Variants in IRAK1BP1 observed in about 807,000 individuals in gnomAD.
IRAK1BP1 encodes the protein interleukin-1 receptor-associated kinase 1-binding protein 1.
IRAK1BP1 carries 24 observed loss-of-function variants against 28.0 expected under a neutral mutation model. The observed-to-expected ratio is 0.86, with a 90% CI of 0.62 to 1.20. IRAK1BP1 has a LOEUF of 1.20. IRAK1BP1 is among the 50% of genes most tolerant of loss of function. The pLI, the probability that IRAK1BP1 is intolerant of heterozygous loss-of-function variation, is 0.00. For synonymous variants in IRAK1BP1, 131 were observed against 116.3 expected, an observed-to-expected ratio of 1.13 and a Z score of -0.81; for missense variants, 336 against 316.7, an observed-to-expected ratio of 1.06 and a Z score of -0.46.
chr6:78,883,135 G>A (rs1422846017), intron 1 of IRAK1BP1, among the ~76,000 whole-genome samples: 1 of 152,020 alleles, frequency 6.6e-6, no homozygotes, highest in Non-Finnish European at 1.5e-5. Context: ...GTATGTGCCT[G>A]TTATCCTCCT....
At chr6:78,916,873 A>C (rs1772573982) in intron 4 of IRAK1BP1, among the ~76,000 whole-genome samples, 1 of 151,918 alleles carries the variant, frequency 6.6e-6, no homozygotes, top group Admixed American at 6.6e-5. Context: ...GAACCCAGGA[A>C]GTGGAGGTTG....
chr6:78,925,390 C>T (rs937119559), intron 4 of IRAK1BP1, among the ~76,000 whole-genome samples: 3 of 152,098 alleles, frequency 2.0e-5, no homozygotes, highest in African/African-American at 7.2e-5. Flanking sequence ...TGAACGGACA[C>T]TTCTCAAATA....
At chr6:78,921,121 C>T (rs117304710) in intron 4 of IRAK1BP1, among the ~76,000 whole-genome samples, 8 of 152,142 alleles carry the variant, frequency 5.3e-5, no homozygotes, top group Admixed American at 2.6e-4. Flanking sequence ...CCGAGCAGGG[C>T]GAGGCATTGC....
chr6:78,900,022 C>T lies in IRAK1BP1; in HGVS notation c.*1688C>T, dbSNP rs1412858380. 6.6e-6 allele frequency: 1 copy of T among 152,028 alleles called. No individual in the cohort carries two copies. The highest frequency in any genetic ancestry group is 1.5e-5 in the Non-Finnish European group (1 of 67,990). 9.4% of individuals were successfully genotyped at this position (152,028 alleles called of 1,614,324 possible). A position where few individuals can be genotyped will look rare whatever the true frequency, so the allele number is the denominator to read the frequency against. On this transcript the variant is annotated 3_prime_UTR_variant, in exon 4 of 4. Coordinates refer to ENST00000369940, the MANE Select transcript of IRAK1BP1 (RefSeq NM_001010844.4). ...AAGAGATTCACATACCCAGGTTGTT[C>T]TAGCATGCCTAAAAAATCTTGTAAC...
intron 1 of IRAK1BP1, among the ~76,000 whole-genome samples, chr6:78,880,331 T>G (rs942856390): frequency 2.0e-5 from 3 of 152,252 alleles, no homozygotes; most frequent in Non-Finnish European, 4.4e-5. Context: ...GCATTTTCTT[T>G]GAGCATCATG....
At chr6:78,903,132 G>C (rs536451328), downstream of IRAK1BP1, 1 of 1,234,818 alleles carries the variant, frequency 8.1e-7, no homozygotes, top group East Asian at 2.5e-5. Context: ...CATTATAAGA[G>C]TGAGAAAAAG....
intron 4 of IRAK1BP1, chr6:78,938,080 A>C (rs969591202): frequency 6.6e-6 from 1 of 151,762 alleles, no homozygotes; most frequent in Non-Finnish European, 1.5e-5. Flanking sequence ...GAAAACAAAA[A>C]TATGGTGATG....
At chr6:78,890,913 A>G (rs1000289183) in intron 2 of IRAK1BP1, among the ~76,000 whole-genome samples, 1 of 152,194 alleles carries the variant, frequency 6.6e-6, no homozygotes, top group Non-Finnish European at 1.5e-5. Context: ...AATGTGAAAC[A>G]TCACTCCTGC....
chr6:78,922,355 G>C (rs532010833), intron 4 of IRAK1BP1, among the ~76,000 whole-genome samples: 5 of 152,274 alleles, frequency 3.3e-5, no homozygotes, highest in South Asian at 2.1e-4. Flanking sequence ...GAAATGAAGA[G>C]AGAAGAGAAG....
rs187369316 is a variant in IRAK1BP1 at position 78,891,310 on chromosome 6, T to A, written c.381+5867T>A. ...CAAACACTGACTGTTGATTTAATTTTAAAAAAAGGTTCTAAGTGATGACTT... is the reference window on the plus strand; with the variant it reads ...CAAACACTGACTGTTGATTTAATTTAAAAAAAAGGTTCTAAGTGATGACTT... On this transcript the variant is annotated intron_variant, in intron 2 of 3. Coordinates refer to ENST00000369940, the MANE Select transcript of IRAK1BP1 (RefSeq NM_001010844.4). 6.4e-4 allele frequency among the ~76,000 whole-genome samples: 98 copies of A among 152,224 alleles called. 1 individual carries two copies. In the South Asian group the frequency reaches 8.1e-3, roughly 13 times the overall value.
the IRAK1BP1 span, among the ~76,000 whole-genome samples, chr6:78,974,394 T>C: frequency 6.6e-6 from 1 of 151,738 alleles, no homozygotes; most frequent in Admixed American, 6.6e-5. Context: ...GAGGGAAATT[T>C]ATAGCACTAA....
At chr6:78,953,501 T>C in the IRAK1BP1 span, among the ~76,000 whole-genome samples, 1 of 152,204 alleles carries the variant, frequency 6.6e-6, no homozygotes, top group Admixed American at 6.5e-5. Flanking sequence ...AATCCATAAG[T>C]TGTGAAAACA....
intron 4 of IRAK1BP1, among the ~76,000 whole-genome samples, chr6:78,916,313 A>T (rs1772557627): frequency 6.6e-6 from 1 of 151,934 alleles, no homozygotes; most frequent in Admixed American, 6.6e-5. Flanking sequence ...TCAGAAAATG[A>T]TTATGTGTAG....
intron 4 of IRAK1BP1, among the ~76,000 whole-genome samples, chr6:78,941,907 C>T (rs1773521004): frequency 6.6e-6 from 1 of 152,124 alleles, no homozygotes; most frequent in African/African-American, 2.4e-5. Context: ...GAGAGAAAAT[C>T]TGGCAATCAA....
chr6:78,955,241 T>G, the IRAK1BP1 span: 1 of 1,607,678 alleles, frequency 6.2e-7, no homozygotes, highest in Non-Finnish European at 8.5e-7. Context: ...CCTTCCTTTT[T>G]CGAGTAGAAG....
the IRAK1BP1 span, among the ~76,000 whole-genome samples, chr6:78,976,501 CA>C: frequency 1.0e-5 from 1 of 99,400 alleles, no homozygotes; most frequent in African/African-American, 3.6e-5. Context: ...AAAGCAATGG[CA>C]ACCAAAGCCA....
intron 1 of IRAK1BP1, chr6:78,872,191 C>A: frequency 1.5e-6 from 1 of 686,822 alleles, no homozygotes; most frequent in African/African-American, 1.8e-5. Flanking sequence ...TTTGAGCTGA[C>A]CACAGCGGTA....
the IRAK1BP1 span, among the ~76,000 whole-genome samples, chr6:78,952,274 T>C: frequency 1.3e-5 from 2 of 151,654 alleles, no homozygotes; most frequent in Admixed American, 6.6e-5. Flanking sequence ...TACAAATTAG[T>C]TGGGCGTGGT....
the IRAK1BP1 span, chr6:78,978,635 G>A: frequency 1.3e-6 from 2 of 1,594,228 alleles, no homozygotes; most frequent in South Asian, 1.1e-5. Context: ...TCGGGGAATG[G>A]TATCTGTAAT....
Sources: gnomAD v4.1 joint callset for allele counts (sites outside exome capture counted in the v4.1 genomes callset) on GRCh38, gnomAD v4.1.1 for gene constraint, MANE v1.5 for transcripts, NCBI Gene and HGNC (gene_info 2026-07-23, HGNC 2026-07-21) for gene names.